Variants in PLXNA2 observed in about 807,000 individuals in gnomAD.
The protein encoded by PLXNA2 is plexin A2.
A neutral mutation model predicts 193.5 loss-of-function variants in PLXNA2; 91 were observed. That is an observed-to-expected ratio of 0.47 (90% CI 0.40 to 0.56). The LOEUF (loss-of-function observed/expected upper bound fraction) is 0.56. PLXNA2 is among the 20% of genes least tolerant of loss of function. PLXNA2 has a pLI of 0.00. For synonymous variants in PLXNA2, 997 were observed against 1,027.3 expected (o/e 0.97, Z 0.56); for missense variants, 1,995 against 2,503.2 (o/e 0.80, Z 4.33).
At chr1:208,043,266 G>C in intron 20 of PLXNA2, 63 bp from the exon 21 acceptor site, 1 of 1,562,382 alleles carries the variant, frequency 6.4e-7, no homozygotes, top group Non-Finnish European at 8.8e-7. Context: ...GAGAAAGAGG[G>C]AGAAGAAGTT....
intron 2 of PLXNA2, among the ~76,000 whole-genome samples, chr1:208,213,171 A>G (rs1671017742): frequency 6.6e-6 from 1 of 152,164 alleles, no homozygotes; most frequent in African/African-American, 2.4e-5. Context: ...TATTAAAAAA[A>G]AAAAAGATTT....
chr1:208,074,308 G>A (rs1571886759), intron 12 of PLXNA2, among the ~76,000 whole-genome samples: 1 of 152,146 alleles, frequency 6.6e-6, no homozygotes, highest in Admixed American at 6.5e-5. Context: ...CATCTCATGG[G>A]CTTTCCAATC....
chr1:208,079,356 G>A lies in PLXNA2; in HGVS notation c.2490C>T (p.Arg830=). The A allele has an allele frequency of 6.2e-7, 1 of 1,613,428 alleles. No homozygotes were observed. Among genetic ancestry groups the A allele is most frequent in the Non-Finnish European group, 8.5e-7 (1 of 1,179,844 alleles). The change falls in exon 12 of 32, where the codon CGC becomes CGT. Residue 830 remains arginine (R), a synonymous_variant. Coordinates refer to ENST00000367033, the MANE Select transcript of PLXNA2 (RefSeq NM_025179.4). The part of the protein sequence containing the change: ...KFECGWCSGE[R]RCTLHQHCTS... The stretch of plus-strand genomic sequence containing the variant: ...TACAGTGCTGGTGGAGGGTGCACCT[G>A]CGCTCGCCGCTGCACCAGCCACACT...
intron 11 of PLXNA2, 94 bp from the exon 12 acceptor site, chr1:208,079,544 T>G: frequency 2.7e-5 from 24 of 879,858 alleles, no homozygotes; most frequent in Non-Finnish European, 3.6e-5. Context: ...ATAGAAACTC[T>G]TCCCCACCAT....
chr1:208,039,517 C>T (rs1664789739), intron 24 of PLXNA2, 104 bp downstream of exon 24: 1 of 1,493,370 alleles, frequency 6.7e-7, no homozygotes, highest in African/African-American at 1.4e-5. Context: ...ACCAGCCTCC[C>T]ATCCTCTTTA....
At chr1:208,107,042 G>A (rs1667291585) in intron 4 of PLXNA2, among the ~76,000 whole-genome samples, 1 of 152,218 alleles carries the variant, frequency 6.6e-6, no homozygotes, top group African/African-American at 2.4e-5. Flanking sequence ...CACAGAGCTG[G>A]AATATGTGAT....
chr1:208,101,946 T>A (rs1430160600), intron 5 of PLXNA2, among the ~76,000 whole-genome samples: 7 of 152,182 alleles, frequency 4.6e-5, no homozygotes, highest in African/African-American at 1.7e-4. Flanking sequence ...TGCTGGCTGG[T>A]GGGTCAGCCT....
At chr1:208,238,866 C>T (rs1276753905) in intron 1 of PLXNA2, among the ~76,000 whole-genome samples, 8 of 152,322 alleles carry the variant, frequency 5.3e-5, no homozygotes, top group Middle Eastern at 3.4e-3. Flanking sequence ...CTGATAAGAA[C>T]GGCAAGGGCC....
At chr1:208,126,409 C>T (rs1214994440) in intron 4 of PLXNA2, among the ~76,000 whole-genome samples, 2 of 152,180 alleles carry the variant, frequency 1.3e-5, no homozygotes, top group Non-Finnish European at 2.9e-5. Context: ...ACACTAGTCT[C>T]TAGTGGTCCA....
chr1:208,216,970 G>A lies in PLXNA2; in HGVS notation c.953C>T (p.Pro318Leu), dbSNP rs762030623. ...RLLQAAYLAK[P>L]GDSLAQAFNI... is the part of the protein sequence containing the mutation. ...GAAGGCCTGGGCCAGTGAGTCCCCA[G>A]GCTTGGCCAGGTAAGCAGCCTGCAG... Residue 318 changes from proline to leucine, a missense_variant, in exon 2 of 32, where the codon CCT becomes CTT. By Grantham distance (98) the Pro-to-Leu change is moderately conservative. Transcript: ENST00000367033. The A allele has an allele frequency of 3.7e-6, 6 of 1,613,494 alleles. No individual in the cohort carries two copies. In the South Asian group the frequency reaches 5.5e-5, roughly 15 times the overall value.
intron 1 of PLXNA2, among the ~76,000 whole-genome samples, chr1:208,226,759 A>G (rs1671524316): frequency 1.3e-5 from 2 of 152,132 alleles, no homozygotes; most frequent in Non-Finnish European, 2.9e-5. Context: ...AGAACAATCA[A>G]TTTCAAGCAG....
chr1:208,118,845 C>T (rs571910718), intron 4 of PLXNA2, among the ~76,000 whole-genome samples: 11 of 151,524 alleles, frequency 7.3e-5, no homozygotes, highest in African/African-American at 1.2e-4. Context: ...ATGCCGGGTC[C>T]GGTGGAAAAA....
intron 3 of PLXNA2, among the ~76,000 whole-genome samples, chr1:208,149,533 A>G (rs1256501869): frequency 6.6e-6 from 1 of 151,362 alleles, no homozygotes; most frequent in African/African-American, 2.4e-5. Flanking sequence ...TGGTGTGTGT[A>G]TGCAGTATGT....
At chr1:208,161,876 T>G (rs571744968) in intron 3 of PLXNA2, among the ~76,000 whole-genome samples, 8 of 152,338 alleles carry the variant, frequency 5.3e-5, no homozygotes, top group African/African-American at 1.9e-4. Context: ...ACGCGTCAAC[T>G]ACTCTGTGTC....
At chr1:208,069,423 G>A (rs889652856) in intron 12 of PLXNA2, among the ~76,000 whole-genome samples, 2 of 152,224 alleles carry the variant, frequency 1.3e-5, no homozygotes, top group Non-Finnish European at 1.5e-5. Context: ...AAGCAGCCGC[G>A]GTGATGCTGC....
intron 3 of PLXNA2, among the ~76,000 whole-genome samples, chr1:208,167,469 G>A (rs970138873): frequency 2.0e-5 from 3 of 152,204 alleles, no homozygotes; most frequent in African/African-American, 4.8e-5. Flanking sequence ...GCTGGGATGC[G>A]TATTTACTTG....
At chr1:208,074,632 C>T (rs998368941) in intron 12 of PLXNA2, among the ~76,000 whole-genome samples, 3 of 152,196 alleles carry the variant, frequency 2.0e-5, no homozygotes, top group African/African-American at 7.2e-5. Flanking sequence ...AGCTGTTTAT[C>T]TAACTATGCG....
At chr1:208,184,148 A>G (rs1480447669) in intron 3 of PLXNA2, among the ~76,000 whole-genome samples, 1 of 152,202 alleles carries the variant, frequency 6.6e-6, no homozygotes, top group Non-Finnish European at 1.5e-5. Flanking sequence ...AGATGTTCAC[A>G]TGATAGCCTG....
Position 208,031,152 on chromosome 1 carries a change from G to C in PLXNA2, c.5225+438C>G, listed in dbSNP as rs1339892235. 4.0e-6 allele frequency: 4 copies of C among 1,003,834 alleles called. No individual in the cohort carries two copies. The Admixed American group carries it at 1.6e-4, about 39-fold the overall frequency. The allele number at this position is 1,003,834 out of a possible 1,614,324, so 62.2% of individuals were successfully genotyped here. On this transcript the variant is annotated intron_variant, in intron 29 of 31. Coordinates refer to ENST00000367033, the MANE Select transcript of PLXNA2 (RefSeq NM_025179.4). ...TCACCGGGCGTCTCAGTTTAATTCA[G>C]GGATTCCCCATCTCAGGAAGTGCCT...
Sources: allele counts gnomAD v4.1 joint callset (sites outside exome capture counted in the v4.1 genomes callset), GRCh38; gene constraint gnomAD v4.1.1; transcripts MANE v1.5; gene names NCBI Gene and HGNC (gene_info 2026-07-23, HGNC 2026-07-21).